HS3ST5: variants seen among roughly 807,000 people sequenced by gnomAD.
HS3ST5 encodes heparan sulfate-glucosamine 3-sulfotransferase 5, also known as heparan sulfate glucosamine 3-O-sulfotransferase 5.
Under a neutral mutation model 25.4 loss-of-function variants are expected in HS3ST5, and 10 were observed. The ratio of observed to expected loss-of-function variants is 0.39; its 90% CI spans 0.24 to 0.67. The LOEUF (loss-of-function observed/expected upper bound fraction) is 0.67. Among genes scored for constraint, HS3ST5 ranks in the 30% least tolerant of loss-of-function variants. HS3ST5 has a pLI of 0.44. For missense variants in HS3ST5, 324 were observed against 420.7 expected, an observed-to-expected ratio of 0.77 and a Z score of 2.01; for synonymous variants, 170 against 162.4, an observed-to-expected ratio of 1.05 and a Z score of -0.36.
chr6:114,207,836 A>G (rs574288859), intron 2 of HS3ST5, among the ~76,000 whole-genome samples: 4 of 152,298 alleles, frequency 2.6e-5, no homozygotes, highest in African/African-American at 7.2e-5. Flanking sequence ...ATACCATTCT[A>G]TACCATATGT....
chr6:114,179,798 G>A (rs1779883379), intron 2 of HS3ST5, among the ~76,000 whole-genome samples: 1 of 151,938 alleles, frequency 6.6e-6, no homozygotes, highest in Non-Finnish European at 1.5e-5. Context: ...TAGTGGCTCA[G>A]TCCAAGTCCC....
At chr6:114,255,708 CTGCCAA>C (rs1772875866) in intron 1 of HS3ST5, among the ~76,000 whole-genome samples, 5 of 151,940 alleles carry the variant, frequency 3.3e-5, no homozygotes, top group Admixed American at 1.3e-4. Context: ...CATGTGGAAG[CTGCCAA>C]GGCTTGGGGC....
At chr6:114,199,797 A>T (rs1413251179) in intron 2 of HS3ST5, among the ~76,000 whole-genome samples, 1 of 152,208 alleles carries the variant, frequency 6.6e-6, no homozygotes, top group East Asian at 1.9e-4. Context: ...AGGACATGAG[A>T]GTCATCTTTT....
intron 3 of HS3ST5, among the ~76,000 whole-genome samples, chr6:114,102,141 C>T (rs1775766533): frequency 6.6e-6 from 1 of 152,118 alleles, no homozygotes; most frequent in Admixed American, 6.5e-5. Flanking sequence ...TATACCAAAC[C>T]TCTGTGACAC....
intron 1 of HS3ST5, among the ~76,000 whole-genome samples, chr6:114,320,826 A>G (rs756218220): frequency 8.6e-5 from 13 of 151,808 alleles, no homozygotes; most frequent in Non-Finnish European, 1.9e-4. Flanking sequence ...CCATAAGGAC[A>G]GGAGTATTTT....
intron 1 of HS3ST5, among the ~76,000 whole-genome samples, chr6:114,247,997 C>T (rs1369786784): frequency 2.0e-5 from 3 of 151,430 alleles, no homozygotes; most frequent in African/African-American, 7.3e-5. Context: ...GTCAGGAGTT[C>T]GAGACCAGCC....
At position 114,084,101 on chromosome 6, in the gene HS3ST5, T is replaced by G. The variant is rs1217369842; in HGVS notation, c.-32-21224A>C. On this transcript the variant is annotated intron_variant, in intron 3 of 4. Coordinates refer to ENST00000312719, the MANE Select transcript of HS3ST5 (RefSeq NM_153612.4). Reference sequence around the variant, plus strand: ...TTTTCTTTTCTTTTTTTTTTTTTTTTAGAAACTGATGTTTATTTCCCATCA... The same window carrying G: ...TTTTCTTTTCTTTTTTTTTTTTTTTGAGAAACTGATGTTTATTTCCCATCA... The G allele has an allele frequency of 6.9e-6, 4 of 576,232 alleles. No individual in the cohort carries two copies. The East Asian group carries it at 1.1e-4, about 16-fold the overall frequency. 35.7% of individuals were successfully genotyped at this position (576,232 alleles called of 1,614,324 possible).
At chr6:114,254,495 A>G (rs1265995025) in intron 1 of HS3ST5, among the ~76,000 whole-genome samples, 1 of 152,242 alleles carries the variant, frequency 6.6e-6, no homozygotes, top group African/African-American at 2.4e-5. Flanking sequence ...GACCTTCCAG[A>G]GAGAGAAATA....
intron 3 of HS3ST5, among the ~76,000 whole-genome samples, chr6:114,139,431 C>T (rs184374711): frequency 1.6e-4 from 25 of 151,878 alleles, no homozygotes; most frequent in African/African-American, 4.3e-4. Context: ...GCAGAGTGTG[C>T]GTTTGTTGAT....
chr6:114,338,722 T>C (rs1014880761), intron 1 of HS3ST5, among the ~76,000 whole-genome samples: 1 of 152,046 alleles, frequency 6.6e-6, no homozygotes, highest in Non-Finnish European at 1.5e-5. Context: ...TAAGATAACA[T>C]TAAAACTCAG....
At chr6:114,179,471 G>GA (rs898120569) in intron 2 of HS3ST5, among the ~76,000 whole-genome samples, 2 of 152,038 alleles carry the variant, frequency 1.3e-5, no homozygotes, top group Non-Finnish European at 2.9e-5. Flanking sequence ...TACAATGAGG[G>GA]AGTTAAGCAG....
At chr6:114,171,229 A>G (rs1779459912) in intron 2 of HS3ST5, among the ~76,000 whole-genome samples, 1 of 152,200 alleles carries the variant, frequency 6.6e-6, no homozygotes. Flanking sequence ...CTTTTAGCAA[A>G]TGATTTATAA....
At chr6:114,254,807 A>G (rs1423963645) in intron 1 of HS3ST5, among the ~76,000 whole-genome samples, 1 of 152,136 alleles carries the variant, frequency 6.6e-6, no homozygotes, top group Non-Finnish European at 1.5e-5. Context: ...GTATGAGGGA[A>G]ATTGCTGCCA....
intron 1 of HS3ST5, among the ~76,000 whole-genome samples, chr6:114,308,587 A>AAAAAAC (rs961446365): frequency 4.6e-5 from 7 of 152,226 alleles, no homozygotes; most frequent in Admixed American, 2.0e-4. Flanking sequence ...ACTCTGTCTC[A>AAAAAAC]AAAAACAAAA....
rs555530841 is a variant in HS3ST5 at position 114,262,416 on chromosome 6, A to G, written c.-338-33638T>C. On this transcript the variant is annotated intron_variant, in intron 1 of 4. Coordinates refer to ENST00000312719, the MANE Select transcript of HS3ST5 (RefSeq NM_153612.4). ...CAAAAAATTAGCCAGGCGTGGTGGC[A>G]GGCACCTGTAGTCCCAGCTACTTGG... Among the ~76,000 whole-genome samples, 18 of 152,156 alleles carry G rather than the reference A, an allele frequency of 1.2e-4. No individual in the cohort carries two copies. The East Asian group carries it at 1.7e-3, about 15-fold the overall frequency.
chr6:114,124,725 CCTG>C (rs1776958259), intron 3 of HS3ST5, among the ~76,000 whole-genome samples: 1 of 151,398 alleles, frequency 6.6e-6, no homozygotes, highest in Admixed American at 6.6e-5. Flanking sequence ...ACATTATTAT[CCTG>C]CTTTCTTGGT....
chr6:114,135,226 C>T (rs894154000), intron 3 of HS3ST5, among the ~76,000 whole-genome samples: 4 of 152,204 alleles, frequency 2.6e-5, no homozygotes, highest in African/African-American at 9.7e-5. Context: ...GCAAATGTTT[C>T]CTACACCCTG....
At chr6:114,140,106 T>C (rs1357153184) in intron 3 of HS3ST5, among the ~76,000 whole-genome samples, 1 of 151,866 alleles carries the variant, frequency 6.6e-6, no homozygotes, top group Non-Finnish European at 1.5e-5. Flanking sequence ...GAGGAAAGAG[T>C]GATTTTCTTC....
chr6:114,112,628 C>T (rs965503383), intron 3 of HS3ST5: 1 of 152,164 alleles, frequency 6.6e-6, no homozygotes, highest in African/African-American at 2.4e-5. Context: ...AAAAAGCATA[C>T]CACCATGCTA....
Sources: allele counts gnomAD v4.1 joint callset (sites outside exome capture counted in the v4.1 genomes callset), GRCh38; gene constraint gnomAD v4.1.1; transcripts MANE v1.5; gene names NCBI Gene and HGNC (gene_info 2026-07-23, HGNC 2026-07-21).